PCDHGA7: variants seen among roughly 807,000 people sequenced by gnomAD.
PCDHGA7 encodes protocadherin gamma subfamily A, 7.
Under a neutral mutation model 58.3 loss-of-function variants are expected in PCDHGA7, and 44 were observed. The observed-to-expected ratio is 0.75, with a 90% CI of 0.59 to 0.97. PCDHGA7 has a LOEUF of 0.97. PCDHGA7 is among the 50% of genes least tolerant of loss of function. The pLI, the probability that PCDHGA7 is intolerant of heterozygous loss-of-function variation, is 0.00. For synonymous variants in PCDHGA7, 516 were observed against 504.2 expected (o/e 1.02, Z -0.31); for missense variants, 1,266 against 1,188.7 (o/e 1.06, Z -0.96).
At position 141,432,730 on chromosome 5, in the gene PCDHGA7, T is replaced by A; in HGVS notation, c.2424+47407T>A. 6.2e-7 allele frequency: 1 copy of A among 1,614,052 alleles called. No homozygotes were observed. Among genetic ancestry groups the A allele is most frequent in the Non-Finnish European group, 8.5e-7 (1 of 1,179,976 alleles). Reference sequence around the variant, plus strand: ...ACGGCCAGCCCCCTCTCTCCGCCACTGTCACGCTCACCGTGGCCGTGGCCG... The same window carrying A: ...ACGGCCAGCCCCCTCTCTCCGCCACAGTCACGCTCACCGTGGCCGTGGCCG... On this transcript the variant is annotated intron_variant, in intron 1 of 3. Transcript: ENST00000518325. The surrounding 1 kb of genome is among the most constrained non-coding windows in gnomAD (Gnocchi z 6.0).
Position 141,511,669 on chromosome 5 carries a change from T to C in PCDHGA7, c.*496T>C, listed in dbSNP as rs1468492336. 1 of 199,424 alleles carries C rather than the reference T, an allele frequency of 5.0e-6. No individual in the cohort carries two copies. The highest frequency in any genetic ancestry group is 2.3e-5 in the African/African-American group (1 of 43,748). The allele number at this position is 199,424 out of a possible 1,614,324, so 12.4% of individuals were successfully genotyped here. ...TCTTGGCCTCTCCTTTGATTCTCAA[T>C]CTTCCCCCAAAGCATGGTTTGGTGC... On this transcript the variant is annotated 3_prime_UTR_variant, in exon 4 of 4. Coordinates refer to ENST00000518325, the MANE Select transcript of PCDHGA7 (RefSeq NM_018920.4).
At chr5:141,389,911 G>A in intron 1 of PCDHGA7, 1 of 1,614,066 alleles carries the variant, frequency 6.2e-7, no homozygotes, top group South Asian at 1.1e-5. Flanking sequence ...ATCACTGACC[G>A]CCCCGACCCC....
At chr5:141,484,672 A>G (rs1253641119) in intron 1 of PCDHGA7, among the ~76,000 whole-genome samples, 1 of 151,990 alleles carries the variant, frequency 6.6e-6, no homozygotes, top group African/African-American at 2.4e-5. Flanking sequence ...AGTGGGCCGC[A>G]GGTTGCTAGG....
In PCDHGA7 at chr5:141,491,736, G is replaced by T; in HGVS notation, c.2425-3071G>T. The T allele has an allele frequency of 6.2e-7, 1 of 1,600,560 alleles. No individual in the cohort carries two copies. Among genetic ancestry groups the T allele is most frequent in the Non-Finnish European group, 8.5e-7 (1 of 1,174,270 alleles). ...CGGCGCCGCCCCGGGCGACCCCTGG[G>T]GGCGGCACTGGAGAAGCCGCCCGTC... On this transcript the variant is annotated intron_variant, in intron 1 of 3. Coordinates refer to ENST00000518325, the MANE Select transcript of PCDHGA7 (RefSeq NM_018920.4). This position sits in a 1 kb window ranked among gnomAD's most constrained non-coding sequence, Gnocchi z 6.9.
At position 141,399,193 on chromosome 5, in the gene PCDHGA7, G is replaced by A. The variant is rs138699584; in HGVS notation, c.2424+13870G>A. ...TCTACTTGAAATGATTCTGGAAAAC[G>A]CGGTGCCTGGAACACTAATTGCTTT... is the stretch of plus-strand genomic sequence containing the variant. On this transcript the variant is annotated intron_variant, in intron 1 of 3. Transcript: ENST00000518325. The A allele has an allele frequency of 4.9e-3, 7,970 of 1,613,820 alleles. 45 individuals are homozygous for A. Among genetic ancestry groups the A allele is most frequent in the Admixed American group, 9.4e-3 (567 of 60,008 alleles).
Position 141,491,140 on chromosome 5 carries a change from T to A in PCDHGA7, c.2425-3667T>A, listed in dbSNP as rs1392575961. On this transcript the variant is annotated intron_variant, in intron 1 of 3. Coordinates refer to ENST00000518325, the MANE Select transcript of PCDHGA7 (RefSeq NM_018920.4). This position sits in a 1 kb window ranked among gnomAD's most constrained non-coding sequence, Gnocchi z 6.9. ...TGGTGAGGTGCGCACAGCCCGGGCC[T>A]TACTGGAGGATGACTCTGACACCCA... 2 of 1,614,110 alleles carry A rather than the reference T, an allele frequency of 1.2e-6. No individual in the cohort carries two copies. Among genetic ancestry groups the A allele is most frequent in the Non-Finnish European group, 1.7e-6 (2 of 1,179,992 alleles).
chr5:141,428,233 C>A, intron 1 of PCDHGA7: 1 of 1,049,106 alleles, frequency 9.5e-7, no homozygotes, highest in Non-Finnish European at 1.4e-6. Context: ...AGACAGCCTG[C>A]AGGAGGCACT....
intron 1 of PCDHGA7, chr5:141,409,037 T>G (rs770619339): frequency 1.2e-6 from 2 of 1,613,992 alleles, no homozygotes; most frequent in South Asian, 2.2e-5. Context: ...TGAGATAAAC[T>G]ACTACTTCCG....
In PCDHGA7 at chr5:141,485,701, A is replaced by G. The variant is rs747748476; in HGVS notation, c.2425-9106A>G. The G allele has an allele frequency of 1.9e-6, 3 of 1,614,104 alleles. No homozygotes were observed. Among genetic ancestry groups the G allele is most frequent in the Non-Finnish European group, 2.5e-6 (3 of 1,180,010 alleles). On this transcript the variant is annotated intron_variant, in intron 1 of 3. Transcript: ENST00000518325. The surrounding 1 kb of genome is among the most constrained non-coding windows in gnomAD (Gnocchi z 5.7). ...GCAGCTATAGGCTGAGCTCCAATGAACACTTTGCACTGGATGTGAAGAAGC... is the reference window on the plus strand; with the variant it reads ...GCAGCTATAGGCTGAGCTCCAATGAGCACTTTGCACTGGATGTGAAGAAGC...
chr5:141,455,283 C>G (rs1225185590), intron 1 of PCDHGA7, among the ~76,000 whole-genome samples: 1 of 152,000 alleles, frequency 6.6e-6, no homozygotes, highest in East Asian at 1.9e-4. Context: ...ATTAACATCA[C>G]TTTACATAGT....
intron 1 of PCDHGA7, chr5:141,418,230 A>T (rs745395585): frequency 6.2e-7 from 1 of 1,614,058 alleles, no homozygotes; most frequent in Non-Finnish European, 8.5e-7. Context: ...GTGGTGATTG[A>T]GGATGTTAAT....
rs745658462 is a variant in PCDHGA7 at position 141,414,720 on chromosome 5, T to C, written c.2424+29397T>C. 6 of 1,614,132 alleles carry C rather than the reference T, an allele frequency of 3.7e-6. No homozygotes were observed. The East Asian group carries it at 1.3e-4, about 36-fold the overall frequency. ...CATACATATCCATCAACTCAGACAC[T>C]GGCGTCCTGTATGCACTCAGATCCT... On this transcript the variant is annotated intron_variant, in intron 1 of 3. Coordinates refer to ENST00000518325, the MANE Select transcript of PCDHGA7 (RefSeq NM_018920.4).
chr5:141,445,341 A>G (rs1165606147), intron 1 of PCDHGA7, among the ~76,000 whole-genome samples: 2 of 152,218 alleles, frequency 1.3e-5, no homozygotes, highest in African/African-American at 4.8e-5. Context: ...AACAGTAAAC[A>G]TTGGTGTCTG....
intron 3 of PCDHGA7, among the ~76,000 whole-genome samples, chr5:141,508,772 C>T (rs1015277795): frequency 5.3e-5 from 8 of 152,070 alleles, no homozygotes; most frequent in African/African-American, 1.2e-4. Flanking sequence ...TGAGGTCCCC[C>T]CTCTAGCCCC....
At position 141,397,472 on chromosome 5, in the gene PCDHGA7, A is replaced by T. The variant is rs548612657; in HGVS notation, c.2424+12149A>T. 6.6e-4 allele frequency among the ~76,000 whole-genome samples: 100 copies of T among 152,362 alleles called. 1 individual carries two copies. Among genetic ancestry groups the T allele is most frequent in the African/African-American group, 2.4e-3 (99 of 41,586 alleles). ...AACACTAGAAATATTGGGGAGTTGG[A>T]AATCATAGAAATGAACAGAAGAATG... On this transcript the variant is annotated intron_variant, in intron 1 of 3. Coordinates refer to ENST00000518325, the MANE Select transcript of PCDHGA7 (RefSeq NM_018920.4).
At chr5:141,422,501 CCA>C in intron 1 of PCDHGA7, 1 of 1,613,928 alleles carries the variant, frequency 6.2e-7, no homozygotes, top group African/African-American at 1.3e-5. Flanking sequence ...ACGTTGACAG[CCA>C]CAGACCAGGG....
rs1160072155 is a variant in PCDHGA7, at chr5:141,383,413, C to T, written c.514C>T (p.Leu172Phe). 1 of 1,614,020 alleles carries T rather than the reference C, an allele frequency of 6.2e-7. No individual in the cohort carries two copies. Residue 172 changes from leucine (L) to phenylalanine (F), a missense_variant, in exon 1 of 4, where the codon CTC becomes TTC. Transcript: ENST00000518325. ...CACGAACTCCCTCCAGAGTTACCAG[C>T]TCAGCCCCAATCGCCACTTCTCCCT... ...VGTNSLQSYQ[L>F]SPNRHFSLAV...
chr5:141,482,530 C>CAAAAAAAAAAAAAAAAA (rs3074545), intron 1 of PCDHGA7, among the ~76,000 whole-genome samples: 1 of 76,562 alleles, frequency 1.3e-5, no homozygotes, highest in African/African-American at 4.8e-5. Flanking sequence ...GACAGACATG[C>CAAAAAAAAAAAAAAAAA]AAAAAAAAAA....
At chr5:141,428,223 A>G in intron 1 of PCDHGA7, 1 of 1,169,680 alleles carries the variant, frequency 8.5e-7, no homozygotes. Context: ...TAGTCTTCGC[A>G]GACAGCCTGC....
Sources: gnomAD v4.1 joint callset for allele counts (sites outside exome capture counted in the v4.1 genomes callset) on GRCh38, gnomAD v4.1.1 for gene constraint, Gnocchi (gnomAD v3.1) non-coding constraint, MANE v1.5 for transcripts, NCBI Gene and HGNC (gene_info 2026-07-23, HGNC 2026-07-21) for gene names.